The following GRIP1 variants were observed in gnomAD, a reference collection of about 807,000 sequenced individuals.
The protein encoded by GRIP1 is glutamate receptor-interacting protein 1.
GRIP1 carries 45 observed loss-of-function variants against 129.9 expected under a neutral mutation model. That is an observed-to-expected ratio of 0.35 (90% confidence interval 0.27 to 0.44). GRIP1 has a LOEUF of 0.44. GRIP1 is among the 20% of genes least tolerant of loss of function. GRIP1 has a pLI of 1.00. For missense variants in GRIP1, 1,196 were observed against 1,396.8 expected (o/e 0.86, Z 2.29); for synonymous variants, 530 against 520.8 (o/e 1.02, Z -0.24).
chr12:66,471,706 T>G (rs1006995798), intron 7 of GRIP1, among the ~76,000 whole-genome samples: 2 of 152,228 alleles, frequency 1.3e-5, no homozygotes, highest in Non-Finnish European at 2.9e-5. Flanking sequence ...ATCCCTCTCA[T>G]GGGCTTTTAT....
rs1196660475 is a variant in GRIP1 at position 66,986,678 on chromosome 12, T to C, written c.58+82372A>G. Among the ~76,000 whole-genome samples the C allele has an allele frequency of 1.1e-4, 10 of 87,216 alleles. No homozygotes were observed. The East Asian group carries it at 4.1e-3, about 35-fold the overall frequency. 57.2% of individuals were successfully genotyped at this position (87,216 alleles called of 152,430 possible). ...GAACATCACACTCTGGGGACTATTG[T>C]GGGGTGGGGGGAGGGGGGAGGGATA... is the stretch of plus-strand genomic sequence containing the variant. On this transcript the variant is annotated intron_variant, in intron 1 of 1. Coordinates refer to the GRIP1 transcript ENST00000643019.
At chr12:66,649,210 T>C (rs984878432) in intron 1 of GRIP1, among the ~76,000 whole-genome samples, 3 of 152,360 alleles carry the variant, frequency 2.0e-5, no homozygotes, top group South Asian at 4.1e-4. Context: ...ATTCTCTTGA[T>C]AGTATTTTTA....
chr12:66,899,996 G>T (rs1348971466), intron 1 of GRIP1, among the ~76,000 whole-genome samples: 2 of 152,058 alleles, frequency 1.3e-5, no homozygotes, highest in Non-Finnish European at 2.9e-5. Flanking sequence ...CCATTCTTGG[G>T]CAGGATAGCA....
At chr12:66,771,653 A>C (rs1310766191) in intron 1 of GRIP1, among the ~76,000 whole-genome samples, 1 of 152,234 alleles carries the variant, frequency 6.6e-6, no homozygotes, top group Non-Finnish European at 1.5e-5. Context: ...AGATCCACAG[A>C]GTTACACAAA....
chr12:66,467,327 A>G (rs2059313814), intron 7 of GRIP1, among the ~76,000 whole-genome samples: 1 of 152,164 alleles, frequency 6.6e-6, no homozygotes, highest in Non-Finnish European at 1.5e-5. Flanking sequence ...ACCTTGATGT[A>G]TTAATTCCCC....
intron 1 of GRIP1, among the ~76,000 whole-genome samples, chr12:66,777,449 T>G (rs2038017796): frequency 6.6e-6 from 1 of 152,180 alleles, no homozygotes; most frequent in African/African-American, 2.4e-5. Flanking sequence ...TGATGGAAAC[T>G]GCCCCCCAAC....
intron 2 of GRIP1, among the ~76,000 whole-genome samples, chr12:66,565,872 A>T (rs2062737500): frequency 6.6e-6 from 1 of 152,086 alleles, no homozygotes; most frequent in Non-Finnish European, 1.5e-5. Context: ...TAGGTATTTT[A>T]TTCTCTTTGA....
At chr12:66,698,774 C>T (rs2035251489) in intron 1 of GRIP1, among the ~76,000 whole-genome samples, 1 of 152,140 alleles carries the variant, frequency 6.6e-6, no homozygotes, top group Non-Finnish European at 1.5e-5. Flanking sequence ...GGTGGAAGCA[C>T]CACTCAAGTC....
rs1406456667 is a variant in GRIP1, at chr12:66,531,253, ATATATATAT to A, written c.419-1348_419-1340del. Among the ~76,000 whole-genome samples the A allele has an allele frequency of 3.5e-4, 6 of 17,372 alleles. 1 individual carries two copies. Among genetic ancestry groups the A allele is most frequent in the Non-Finnish European group, 4.7e-4 (4 of 8,436 alleles). 11.4% of individuals were successfully genotyped at this position (17,372 alleles called of 152,430 possible). On this transcript the variant is annotated intron_variant, in intron 4 of 24. Coordinates refer to ENST00000359742, the MANE Select transcript of GRIP1 (RefSeq NM_001366722.1). ...TCTGTCTCAAAAAAAAAAAAAAAAAATATATATATATATATATATATATATATATATATA... is the reference window on the plus strand; with the variant it reads ...TCTGTCTCAAAAAAAAAAAAAAAAAAATATATATATATATATATATATATA...
intron 13 of GRIP1, among the ~76,000 whole-genome samples, chr12:66,437,170 A>C (rs1372383807): frequency 6.6e-6 from 1 of 152,206 alleles, no homozygotes; most frequent in Admixed American, 6.5e-5. Context: ...GATGGCTTAC[A>C]TCCAGAAAAT....
At chr12:66,659,720 T>C (rs1465486224) in intron 1 of GRIP1, among the ~76,000 whole-genome samples, 2 of 152,204 alleles carry the variant, frequency 1.3e-5, no homozygotes, top group East Asian at 1.9e-4. Context: ...TCTCTAAACA[T>C]GGACATTTTA....
intron 1 of GRIP1, among the ~76,000 whole-genome samples, chr12:66,794,331 A>G (rs2038634809): frequency 6.6e-6 from 1 of 152,214 alleles, no homozygotes; most frequent in South Asian, 2.1e-4. Context: ...AAACATCTAT[A>G]GATGGTCCAG....
intron 1 of GRIP1, among the ~76,000 whole-genome samples, chr12:66,637,375 GTCT>G (rs2031496062): frequency 6.6e-6 from 1 of 151,056 alleles, no homozygotes; most frequent in South Asian, 2.1e-4. Context: ...GCATGTGAAT[GTCT>G]TCTTTTGTCT....
intron 7 of GRIP1, among the ~76,000 whole-genome samples, chr12:66,484,634 G>A (rs1023914128): frequency 2.0e-5 from 3 of 152,126 alleles, no homozygotes; most frequent in Admixed American, 6.5e-5. Context: ...AGTTGATCTC[G>A]TGGAGGTAGA....
chr12:66,430,860 A>C (rs1005513482), intron 14 of GRIP1, among the ~76,000 whole-genome samples: 3 of 152,202 alleles, frequency 2.0e-5, no homozygotes, highest in Admixed American at 2.0e-4. Context: ...GGAAGCATCT[A>C]GAAGGACAGG....
chr12:66,758,773 GTCAAATTTTAAAGGTACAAAATGA>G (rs1373940186), intron 1 of GRIP1, among the ~76,000 whole-genome samples: 2 of 152,186 alleles, frequency 1.3e-5, no homozygotes, highest in Non-Finnish European at 2.9e-5. Context: ...CAGCAGGGCA[GTCAAATTTTAAAGGTACAAAATGA>G]TCGCCTTTGA....
At chr12:66,695,569 T>C (rs769059154) in intron 1 of GRIP1, among the ~76,000 whole-genome samples, 1 of 152,200 alleles carries the variant, frequency 6.6e-6, no homozygotes, top group East Asian at 1.9e-4. Context: ...GAGGTTATCT[T>C]ATCCAAAACT....
chr12:66,615,070 T>G (rs2064980071), intron 1 of GRIP1, among the ~76,000 whole-genome samples: 1 of 152,176 alleles, frequency 6.6e-6, no homozygotes, highest in Non-Finnish European at 1.5e-5. Context: ...GTTTAATGTC[T>G]GTCTCCCTTA....
chr12:66,817,341 G>C (rs901835198), intron 1 of GRIP1, among the ~76,000 whole-genome samples: 1 of 151,910 alleles, frequency 6.6e-6, no homozygotes, highest in African/African-American at 2.4e-5. Flanking sequence ...GGACATCAAA[G>C]AGCTTTTGTT....
Sources: gnomAD v4.1 joint callset for allele counts (sites outside exome capture counted in the v4.1 genomes callset) on GRCh38, gnomAD v4.1.1 for gene constraint, MANE v1.5 for transcripts, NCBI Gene and HGNC (gene_info 2026-07-23, HGNC 2026-07-21) for gene names.